Variants in SLC6A8 observed in about 807,000 individuals in gnomAD.
SLC6A8 encodes solute carrier family 6 member 8.
SLC6A8 carries 6 observed loss-of-function variants against 48.3 expected under a neutral mutation model. The ratio of observed to expected loss-of-function variants is 0.12; its 90% CI spans 0.07 to 0.25. The LOEUF (loss-of-function observed/expected upper bound fraction) is 0.25, where lower values mean the gene tolerates loss of function less well. Ranked by LOEUF, SLC6A8 falls within the 10% of genes least tolerant of loss-of-function variation. SLC6A8 has a pLI of 1.00. For missense variants in SLC6A8, 260 were observed against 551.5 expected (o/e 0.47, Z 5.29); for synonymous variants, 245 against 244.0 (o/e 1.00, Z -0.04).
intron 4 of SLC6A8, 94 bp downstream of exon 4, chrX:153,692,201 C>G: frequency 1.1e-6 from 1 of 924,512 alleles, no homozygotes; most frequent in Non-Finnish European, 1.5e-6. Flanking sequence ...GGTGACCAGA[C>G]AGAGTCTAGC....
Position 153,691,960 on chromosome X carries a change from C to A in SLC6A8, c.645-15C>A, listed in dbSNP as rs1265172908. On this transcript the variant is annotated splice_polypyrimidine_tract_variant and intron_variant, in intron 3 of 12. Coordinates refer to ENST00000253122, the MANE Select transcript of SLC6A8 (RefSeq NM_005629.4). ...TGCTGGCACAGGCCTCATGGGACCT[C>A]CCTCCCTCCCCTAGGAACAAAGTCT... 2 of 1,179,470 alleles carry A rather than the reference C, an allele frequency of 1.7e-6. No homozygotes were observed. Among genetic ancestry groups the A allele is most frequent in the Non-Finnish European group, 2.3e-6 (2 of 871,052 alleles).
At chrX:153,691,082 G>A in intron 2 of SLC6A8, 1 of 432,110 alleles carries the variant, frequency 2.3e-6, no homozygotes, top group Non-Finnish European at 4.2e-6. Flanking sequence ...GGCTCGCTCT[G>A]CCTTGGGTCT....
Position 153,696,351 on chromosome X carries a change from T to C in SLC6A8, c.*1137T>C. 6.0e-6 allele frequency: 2 copies of C among 331,024 alleles called. No homozygotes were observed. Among genetic ancestry groups the C allele is most frequent in the South Asian group, 5.2e-5 (2 of 38,499 alleles). 27.3% of individuals were successfully genotyped at this position (331,024 alleles called of 1,213,427 possible). A position where few individuals can be genotyped will look rare whatever the true frequency, so the allele number is the denominator to read the frequency against. On this transcript the variant is annotated 3_prime_UTR_variant, in exon 13 of 13. Transcript: ENST00000253122. ...AGGGACCCTGGACACGGCTCCCACG[T>C]CCAGGCTTAAGGTGGATGCACTTCC...
chrX:153,691,842 A>G, intron 3 of SLC6A8, 133 bp from the exon 4 acceptor site: 1 of 762,531 alleles, frequency 1.3e-6, no homozygotes, highest in South Asian at 2.5e-5. Flanking sequence ...CTCCAGGCCC[A>G]GCCCAATTGG....
chrX:153,691,696 C>T (rs1385215683), intron 3 of SLC6A8, 143 bp downstream of exon 3: 12 of 819,066 alleles, frequency 1.5e-5, no homozygotes, highest in East Asian at 6.3e-5. Context: ...TGCCTGTCCT[C>T]GGAGAGTCCT....
rs1181103233 is a variant in SLC6A8, at chrX:153,695,180, G to A, written c.1874G>A (p.Ser625Asn). The change falls in exon 13 of 13, where the codon AGC becomes AAC. Residue 625 changes from serine to asparagine, a missense_variant. This residue lies in a region of SLC6A8 where 87 missense variants were observed against 120.9 expected (regional missense o/e 0.72). Transcript: ENST00000253122. ...GLTTLTPVSE[S>N]SKVVVVESVM ...ACCACCCTGACCCCAGTGTCCGAGA[G>A]CAGCAAGGTCGTCGTGGTGGAGAGT... 5.0e-5 allele frequency: 60 copies of A among 1,190,973 alleles called. No homozygotes were observed. Among genetic ancestry groups the A allele is most frequent in the Non-Finnish European group, 6.3e-5 (56 of 885,104 alleles).
intron 12 of SLC6A8, 68 bp from the exon 13 acceptor site, chrX:153,695,006 G>A (rs1557045788): frequency 1.7e-6 from 2 of 1,155,642 alleles, no homozygotes; most frequent in Non-Finnish European, 2.3e-6. Context: ...CCGGAGAGAG[G>A]CAGAGGAAGT....
In SLC6A8 at chrX:153,690,367, AC is replaced by A. The variant is rs2148360090; in HGVS notation, c.263-3del. 1 of 1,193,204 alleles carries A rather than the reference AC, an allele frequency of 8.4e-7. No individual in the cohort carries two copies. Among genetic ancestry groups the A allele is most frequent in the Non-Finnish European group, 1.1e-6 (1 of 885,899 alleles). The stretch of plus-strand genomic sequence containing the variant: ...CACCCTGAGTCCACGCTGTGCCTCC[AC>A]CCCCAGGTGTGTTCCTTATTCCCTA... On this transcript the variant is annotated splice_polypyrimidine_tract_variant and splice_region_variant and intron_variant, in intron 1 of 12. Coordinates refer to ENST00000253122, the MANE Select transcript of SLC6A8 (RefSeq NM_005629.4).
At chrX:153,689,431 C>T (rs1420610892) in intron 1 of SLC6A8, 1 of 134,711 alleles carries the variant, frequency 7.4e-6, no homozygotes, top group African/African-American at 3.4e-5. Context: ...CCCGCCCGCC[C>T]GCCCGGGCCC....
chrX:153,691,678 C>T, intron 3 of SLC6A8, 125 bp downstream of exon 3: 1 of 873,851 alleles, frequency 1.1e-6, no homozygotes, highest in Non-Finnish European at 1.7e-6. Context: ...CTGGACCCTG[C>T]CTGCCCTTGC....
intron 1 of SLC6A8, chrX:153,689,561 G>A: frequency 1.3e-6 from 1 of 753,303 alleles, no homozygotes; most frequent in Non-Finnish European, 1.6e-6. Context: ...AAAGGCCTTT[G>A]CCCAAGGTCA....
At chrX:153,690,599 G>A in intron 2 of SLC6A8, 93 bp downstream of exon 2, 4 of 982,609 alleles carry the variant, frequency 4.1e-6, no homozygotes, top group Non-Finnish European at 4.2e-6. Flanking sequence ...ACCAGGCCTG[G>A]GGCCACGTGA....
At chrX:153,689,464 C>T in intron 1 of SLC6A8, 1 of 417,039 alleles carries the variant, frequency 2.4e-6, no homozygotes, top group Non-Finnish European at 3.0e-6. Flanking sequence ...GCGATGGGCA[C>T]GCGTGTGTCC....
At position 153,695,171 on chromosome X, in the gene SLC6A8, T is replaced by C. The variant is rs1557045860; in HGVS notation, c.1865T>C (p.Val622Ala). 1.7e-6 allele frequency: 2 copies of C among 1,194,391 alleles called. No homozygotes were observed. Residue 622 changes from valine to alanine, a missense_variant, in exon 13 of 13, where the codon GTG becomes GCG. This residue lies in a region of SLC6A8 where 87 missense variants were observed against 120.9 expected (regional missense o/e 0.72). Transcript: ENST00000253122. The part of the protein sequence containing the change: ...DVRGLTTLTP[V>A]SESSKVVVVE... ...AGGGGCCTGACCACCCTGACCCCAG[T>C]GTCCGAGAGCAGCAAGGTCGTCGTG...
In SLC6A8 at chrX:153,688,599, G is replaced by T. The variant is rs2091436097; in HGVS notation, c.25G>T (p.Gly9Cys). MAKKSAEN[G>C]IYSVSGDEKK... Reference sequence around the variant, plus strand: ...CATGGCGAAGAAGAGCGCCGAGAACGGCATCTATAGCGTGTCCGGCGACGA... The same window carrying T: ...CATGGCGAAGAAGAGCGCCGAGAACTGCATCTATAGCGTGTCCGGCGACGA... Residue 9 changes from glycine (G) to cysteine (C), a missense_variant, in exon 1 of 13, where the codon GGC becomes TGC. Coordinates refer to ENST00000253122, the MANE Select transcript of SLC6A8 (RefSeq NM_005629.4). The T allele has an allele frequency of 9.4e-7, 1 of 1,059,337 alleles. No individual in the cohort carries two copies. Among genetic ancestry groups the T allele is most frequent in the Non-Finnish European group, 1.2e-6 (1 of 816,153 alleles). 87.3% of individuals were successfully genotyped at this position (1,059,337 alleles called of 1,213,427 possible). A position where few individuals can be genotyped will look rare whatever the true frequency, so the allele number is the denominator to read the frequency against.
At chrX:153,691,209 G>A (rs2091454277) in intron 2 of SLC6A8, 95 bp from the exon 3 acceptor site, 1 of 1,002,853 alleles carries the variant, frequency 1.0e-6, no homozygotes, top group East Asian at 3.3e-5. Flanking sequence ...GAGGACAGAT[G>A]GTGGGAGCAC....
rs1489918722 is a variant in SLC6A8, at chrX:153,690,626, A to AG, written c.394+126dup. On this transcript the variant is annotated intron_variant, in intron 2 of 12. Transcript: ENST00000253122. The stretch of plus-strand genomic sequence containing the variant: ...GCCACGTGATGGCGTCCCAGTCTCG[A>AG]GGGGGGAGCCTGGAGGAGATGTTCA... 51 of 826,137 alleles carry AG rather than the reference A, an allele frequency of 6.2e-5. 1 individual carries two copies. In the Admixed American group the frequency reaches 1.3e-3, roughly 22 times the overall value. 68.1% of individuals were successfully genotyped at this position (826,137 alleles called of 1,213,427 possible).
At position 153,694,301 on chromosome X, in the gene SLC6A8, G is replaced by A. The variant is rs369019556; in HGVS notation, c.1392+34G>A. On this transcript the variant is annotated intron_variant, in intron 9 of 12. Coordinates refer to ENST00000253122, the MANE Select transcript of SLC6A8 (RefSeq NM_005629.4). ...GGTGGGGGGTCTGCCTGTGACCTCT[G>A]GTGGCCGTCTGCCATCCTCCCTGAC... 40 of 1,208,443 alleles carry A rather than the reference G, an allele frequency of 3.3e-5. No homozygotes were observed. In the African/African-American group the frequency reaches 4.7e-4, roughly 14 times the overall value.
rs1359344839 is a variant in SLC6A8 at position 153,695,760 on chromosome X, G to A, written c.*546G>A. 45 of 145,854 alleles carry A rather than the reference G, an allele frequency of 3.1e-4. 1 individual carries two copies. The allele number at this position is 145,854 out of a possible 1,213,427, so 12.0% of individuals were successfully genotyped here. Reference sequence around the variant, plus strand: ...AAGCTTAGAGAGCCAGCCAGCAATGGAACCTTCTGGTTCCTGCGCCAATCG... The same window carrying A: ...AAGCTTAGAGAGCCAGCCAGCAATGAAACCTTCTGGTTCCTGCGCCAATCG... On this transcript the variant is annotated 3_prime_UTR_variant, in exon 13 of 13. Coordinates refer to ENST00000253122, the MANE Select transcript of SLC6A8 (RefSeq NM_005629.4).
Sources: allele counts gnomAD v4.1 joint callset, GRCh38; gene constraint gnomAD v4.1.1; regional missense constraint gnomAD v4.1.1; transcripts MANE v1.5; gene names NCBI Gene and HGNC (gene_info 2026-07-23, HGNC 2026-07-21).